The following PPP1R3B variants were observed in gnomAD, a reference collection of about 807,000 sequenced individuals.
The protein encoded by PPP1R3B is PP1 subunit R4.
PPP1R3B carries 8 observed loss-of-function variants against 14.6 expected under a neutral mutation model. That is an observed-to-expected ratio of 0.55 (90% CI 0.32 to 0.99). The LOEUF (loss-of-function observed/expected upper bound fraction) is 0.99. PPP1R3B is among the 50% of genes least tolerant of loss of function. The pLI is 0.04. For missense variants in PPP1R3B, 452 were observed against 360.1 expected (o/e 1.26, Z -2.07); for synonymous variants, 169 against 142.0 (o/e 1.19, Z -1.35).
At chr8:9,148,275 C>T (rs1468216976) in intron 1 of PPP1R3B, among the ~76,000 whole-genome samples, 1 of 152,198 alleles carries the variant, frequency 6.6e-6, no homozygotes, top group African/African-American at 2.4e-5. Context: ...TCGGTTCCAA[C>T]ACAGGAAGCA....
intron 1 of PPP1R3B, among the ~76,000 whole-genome samples, chr8:9,150,311 G>C (rs1026450541): frequency 1.3e-5 from 2 of 152,128 alleles, no homozygotes; most frequent in Non-Finnish European, 2.9e-5. Context: ...CTCTTTTTCA[G>C]AAAACAGTGC....
In PPP1R3B at chr8:9,141,091, T is replaced by C. The variant is rs756770624; in HGVS notation, c.561A>G (p.Ser187=). 17 of 1,614,240 alleles carry C rather than the reference T, an allele frequency of 1.1e-5. No homozygotes were observed. The Admixed American group carries it at 2.7e-4, about 25-fold the overall frequency. The change falls in exon 2 of 2, where the codon TCA becomes TCG. Residue 187 remains serine, a synonymous_variant. Transcript: ENST00000310455. ...CQYVKDTYAG[S]DRDTFSFDIS... Reference sequence around the variant, plus strand: ...TGTCGAAGGAGAACGTGTCCCTGTCTGAACCGGCATAAGTGTCCTTCACGT... The same window carrying C: ...TGTCGAAGGAGAACGTGTCCCTGTCCGAACCGGCATAAGTGTCCTTCACGT...
intron 1 of PPP1R3B, among the ~76,000 whole-genome samples, chr8:9,143,210 G>A (rs902577189): frequency 3.3e-5 from 5 of 152,146 alleles, no homozygotes; most frequent in Admixed American, 3.3e-4. Context: ...CCTAACGGGT[G>A]TGACGTGACA....
Position 9,140,903 on chromosome 8 carries a change from G to C in PPP1R3B, c.749C>G (p.Pro250Arg). The C allele has an allele frequency of 6.2e-7, 1 of 1,614,178 alleles. No individual in the cohort carries two copies. The highest frequency in any genetic ancestry group is 1.1e-5 in the South Asian group (1 of 91,082). The change falls in exon 2 of 2, where the codon CCG becomes CGG. Residue 250 changes from proline (P) to arginine (R), a missense_variant. By Grantham distance (103) the Pro-to-Arg change is moderately radical. Coordinates refer to ENST00000310455, the MANE Select transcript of PPP1R3B (RefSeq NM_024607.4). ...CTGGTCAAAGGATATTCCCAAATCC[G>C]GTCCACTGTGGGGCTTGGTCATTCC... ...TQGMTKPHSGPDLGISFDQFG... is the reference protein window; with the variant it reads ...TQGMTKPHSGRDLGISFDQFG...
At chr8:9,147,610 A>G (rs901877292) in intron 1 of PPP1R3B, among the ~76,000 whole-genome samples, 1 of 152,064 alleles carries the variant, frequency 6.6e-6, no homozygotes, top group Non-Finnish European at 1.5e-5. Flanking sequence ...ACTAGAGCCA[A>G]TGTCCCAAGT....
intron 1 of PPP1R3B, among the ~76,000 whole-genome samples, chr8:9,143,633 C>T (rs1429497074): frequency 1.3e-5 from 2 of 151,940 alleles, no homozygotes; most frequent in Admixed American, 6.6e-5. Flanking sequence ...ACCTGGGAGG[C>T]GGAGGTTGCA....
upstream of PPP1R3B, among the ~76,000 whole-genome samples, chr8:9,150,919 C>G (rs994906170): frequency 3.3e-5 from 5 of 152,234 alleles, no homozygotes; most frequent in Non-Finnish European, 7.3e-5. Context: ...GAAAATAAGG[C>G]CCGGAGAGAG....
chr8:9,145,148 G>A (rs1458771193), intron 1 of PPP1R3B: 1 of 151,502 alleles, frequency 6.6e-6, no homozygotes, highest in Non-Finnish European at 1.5e-5. Context: ...GTCTACATAT[G>A]TATATATATA....
Position 9,141,600 on chromosome 8 carries a change from G to C in PPP1R3B, c.52C>G (p.Arg18Gly), listed in dbSNP as rs376926182. Residue 18 changes from arginine to glycine, a missense_variant, in exon 2 of 2, where the codon CGC becomes GGC. Transcript: ENST00000310455. ...YRYNCMAPSLRQERFAFKISP... is the reference protein window; with the variant it reads ...YRYNCMAPSLGQERFAFKISP... ...ATCTTAAAGGCAAACCTCTCTTGGC[G>C]CAAGGAAGGAGCCATGCAGTTGTAT... 6.2e-7 allele frequency: 1 copy of C among 1,613,978 alleles called. No individual in the cohort carries two copies. The highest frequency in any genetic ancestry group is 8.5e-7 in the Non-Finnish European group (1 of 1,180,012).
At position 9,138,664 on chromosome 8, in the gene PPP1R3B, T is replaced by G. The variant is rs768835363; in HGVS notation, c.*2130A>C. On this transcript the variant is annotated 3_prime_UTR_variant, in exon 2 of 2. Coordinates refer to ENST00000310455, the MANE Select transcript of PPP1R3B (RefSeq NM_024607.4). ...CTTAGCTTGAAAAGCCTGACAACTC[T>G]GCCTCCAAATCCAGGCAACTGTGCT... 1 of 152,218 alleles carries G rather than the reference T, an allele frequency of 6.6e-6. No individual in the cohort carries two copies. Among genetic ancestry groups the G allele is most frequent in the Non-Finnish European group, 1.5e-5 (1 of 68,046 alleles). 9.4% of individuals were successfully genotyped at this position (152,218 alleles called of 1,614,324 possible).
rs780048825 is a variant in PPP1R3B at position 9,141,355 on chromosome 8, A to G, written c.297T>C (p.Ile99=). 6.2e-7 allele frequency: 1 copy of G among 1,614,046 alleles called. No individual in the cohort carries two copies. Among genetic ancestry groups the G allele is most frequent in the African/African-American group, 1.3e-5 (1 of 74,906 alleles). ...PFNITELLDN[I]VSLTTAESES... Reference sequence around the variant, plus strand: ...CGCTCTCTGCTGTCGTCAAGCTCACAATGTTGTCTAGGAGCTCGGTGATGT... The same window carrying G: ...CGCTCTCTGCTGTCGTCAAGCTCACGATGTTGTCTAGGAGCTCGGTGATGT... Residue 99 remains isoleucine (I), a synonymous_variant, in exon 2 of 2, where the codon ATT becomes ATC. Coordinates refer to ENST00000310455, the MANE Select transcript of PPP1R3B (RefSeq NM_024607.4).
upstream of PPP1R3B, chr8:9,150,834 A>G (rs1801404818): frequency 6.6e-6 from 1 of 152,306 alleles, no homozygotes; most frequent in South Asian, 2.1e-4. Flanking sequence ...CCAGCCCGGG[A>G]CGGGGATCGT....
Position 9,140,670 on chromosome 8 carries a change from T to C in PPP1R3B, c.*124A>G. 7.0e-6 allele frequency: 7 copies of C among 1,001,856 alleles called. 1 individual carries two copies. The highest frequency in any genetic ancestry group is 1.6e-5 in the South Asian group (1 of 60,682). The allele number at this position is 1,001,856 out of a possible 1,614,324, so 62.1% of individuals were successfully genotyped here. Reference sequence around the variant, plus strand: ...GAAAGAAGTGAAGAGGATCCTTTTATTTTCCCAAACGGGGCCTCATGGAAG... The same window carrying C: ...GAAAGAAGTGAAGAGGATCCTTTTACTTTCCCAAACGGGGCCTCATGGAAG... On this transcript the variant is annotated 3_prime_UTR_variant, in exon 2 of 2. Transcript: ENST00000310455.
At chr8:9,146,387 A>G (rs1449745267) in intron 1 of PPP1R3B, among the ~76,000 whole-genome samples, 1 of 152,178 alleles carries the variant, frequency 6.6e-6, no homozygotes, top group East Asian at 1.9e-4. Context: ...GCCACCCCTG[A>G]GAAGTGACAG....
chr8:9,149,621 A>G (rs1363186727), intron 1 of PPP1R3B, among the ~76,000 whole-genome samples: 3 of 152,222 alleles, frequency 2.0e-5, no homozygotes, highest in Non-Finnish European at 2.9e-5. Flanking sequence ...TATAATTTTC[A>G]TTTTTAAAGA....
At chr8:9,143,778 T>C (rs977299429) in intron 1 of PPP1R3B, among the ~76,000 whole-genome samples, 26 of 152,282 alleles carry the variant, frequency 1.7e-4, no homozygotes, top group African/African-American at 6.0e-4. Flanking sequence ...ATTTGTTTTT[T>C]CCACAAGTAA....
chr8:9,141,605 G>T lies in PPP1R3B; in HGVS notation c.47C>A (p.Ser16Tyr), dbSNP rs142670074. ...IEYRYNCMAP[S>Y]LRQERFAFKI... is the part of the protein sequence containing the mutation. ...AAAGGCAAACCTCTCTTGGCGCAAG[G>T]AAGGAGCCATGCAGTTGTATCTGTA... Residue 16 changes from serine (S) to tyrosine (Y), a missense_variant, in exon 2 of 2, where the codon TCC (serine) becomes TAC (tyrosine). Physicochemically the swap from Ser to Tyr is moderately radical, Grantham distance 144. Transcript: ENST00000310455. 1.2e-6 allele frequency: 2 copies of T among 1,614,056 alleles called. No individual in the cohort carries two copies. The highest frequency in any genetic ancestry group is 1.1e-5 in the South Asian group (1 of 91,078).
Position 9,139,417 on chromosome 8 carries a change from T to C in PPP1R3B, c.*1377A>G, listed in dbSNP as rs919947811. The C allele has an allele frequency of 6.6e-6, 1 of 152,204 alleles. No individual in the cohort carries two copies. The highest frequency in any genetic ancestry group is 2.4e-5 in the African/African-American group (1 of 41,446). The allele number at this position is 152,204 out of a possible 1,614,324, so 9.4% of individuals were successfully genotyped here. A position where few individuals can be genotyped will look rare whatever the true frequency, so the allele number is the denominator to read the frequency against. On this transcript the variant is annotated 3_prime_UTR_variant, in exon 2 of 2. Coordinates refer to ENST00000310455, the MANE Select transcript of PPP1R3B (RefSeq NM_024607.4). ...TCCATGTCCCTGGGTGCTGGTAAAGTGTTCTAGATAGTGTGAATCACAGTC... is the reference window on the plus strand; with the variant it reads ...TCCATGTCCCTGGGTGCTGGTAAAGCGTTCTAGATAGTGTGAATCACAGTC...
intron 1 of PPP1R3B, among the ~76,000 whole-genome samples, chr8:9,144,640 A>G (rs1022761710): frequency 4.6e-5 from 7 of 152,258 alleles, no homozygotes; most frequent in Non-Finnish European, 2.9e-5. Context: ...TCAATGCCAC[A>G]TTATAGGGGG....
Sources: gnomAD v4.1 joint callset for allele counts (sites outside exome capture counted in the v4.1 genomes callset) on GRCh38, gnomAD v4.1.1 for gene constraint, MANE v1.5 for transcripts, NCBI Gene and HGNC (gene_info 2026-07-23, HGNC 2026-07-21) for gene names.